Variants in CAMTA1 observed in about 807,000 individuals in gnomAD.
CAMTA1 encodes calmodulin-binding transcription activator 1.
A neutral mutation model predicts 170.9 loss-of-function variants in CAMTA1; 27 were observed. The observed-to-expected ratio is 0.16, with a 90% CI of 0.12 to 0.22. CAMTA1 has a LOEUF of 0.22. Among genes scored for constraint, CAMTA1 ranks in the 10% least tolerant of loss-of-function variants. The pLI is 1.00. For synonymous variants in CAMTA1, 833 were observed against 891.5 expected, an observed-to-expected ratio of 0.93 and a Z score of 1.17; for missense variants, 1,619 against 2,217.2, an observed-to-expected ratio of 0.73 and a Z score of 5.42.
At chr1:7,205,546 A>T (rs895002328) in intron 4 of CAMTA1, among the ~76,000 whole-genome samples, 6 of 152,112 alleles carry the variant, frequency 3.9e-5, no homozygotes, top group Admixed American at 3.3e-4. Context: ...TTTTTATGAA[A>T]TGTCCTTCTA....
Position 7,592,760 on chromosome 1 carries a change from G to A in CAMTA1, c.511-47640G>A, listed in dbSNP as rs921199944. On this transcript the variant is annotated intron_variant, in intron 6 of 22. Coordinates refer to ENST00000303635, the MANE Select transcript of CAMTA1 (RefSeq NM_015215.4). This position sits in a 1 kb window ranked among gnomAD's most constrained non-coding sequence, Gnocchi z 4.6. ...CAGCATCTCCTGCATCCTCTACCTT[G>A]GAAAATGAGGATTCTCCGAGAGCTC... 1.2e-4 allele frequency among the ~76,000 whole-genome samples: 18 copies of A among 152,122 alleles called. No homozygotes were observed. The highest frequency in any genetic ancestry group is 8.3e-4 in the South Asian group (4 of 4,826).
At chr1:7,713,072 T>C (rs190935832) in intron 11 of CAMTA1, among the ~76,000 whole-genome samples, 4 of 151,980 alleles carry the variant, frequency 2.6e-5, no homozygotes, top group Admixed American at 6.6e-5. Flanking sequence ...TCAGGAGAGG[T>C]TGGATTAAAG....
In CAMTA1 at chr1:7,719,715, A is replaced by G. The variant is rs543958300; in HGVS notation, c.2915-12733A>G. On this transcript the variant is annotated intron_variant, in intron 11 of 22. Coordinates refer to ENST00000303635, the MANE Select transcript of CAMTA1 (RefSeq NM_015215.4). Reference sequence around the variant, plus strand: ...GGACATCTTAAACGGCTTGCCAGGGAGGAGCAGCTTAATATACTCTCGTGG... The same window carrying G: ...GGACATCTTAAACGGCTTGCCAGGGGGGAGCAGCTTAATATACTCTCGTGG... Among the ~76,000 whole-genome samples, 4 of 152,284 alleles carry G rather than the reference A, an allele frequency of 2.6e-5. 1 individual carries two copies. The South Asian group carries it at 8.3e-4, about 32-fold the overall frequency.
chr1:7,589,655 G>A (rs7519687), intron 6 of CAMTA1, among the ~76,000 whole-genome samples: 31,286 of 152,120 alleles, frequency 0.21, 4,504 homozygotes, highest in African/African-American at 0.41. Context: ...TTTGCTCCAC[G>A]TTCTAGGAAA....
intron 11 of CAMTA1, among the ~76,000 whole-genome samples, chr1:7,683,185 A>G (rs1252890705): frequency 6.6e-6 from 1 of 150,982 alleles, no homozygotes; most frequent in Non-Finnish European, 1.5e-5. Flanking sequence ...CTGTCTCAAA[A>G]AAAAAAAAAA....
At chr1:7,502,267 A>C (rs1448436578) in intron 6 of CAMTA1, among the ~76,000 whole-genome samples, 1 of 152,230 alleles carries the variant, frequency 6.6e-6, no homozygotes, top group African/African-American at 2.4e-5. Context: ...CCCAGTCTTC[A>C]TGCAGAGAAG....
intron 3 of CAMTA1, among the ~76,000 whole-genome samples, chr1:6,976,220 A>G (rs760157424): frequency 6.6e-6 from 1 of 152,194 alleles, no homozygotes; most frequent in Non-Finnish European, 1.5e-5. Flanking sequence ...GAAGGCCACA[A>G]AGGTCAGGAC....
intron 5 of CAMTA1, among the ~76,000 whole-genome samples, chr1:7,323,593 G>A (rs1007355363): frequency 4.4e-5 from 6 of 136,870 alleles, no homozygotes; most frequent in Admixed American, 8.4e-5. Context: ...CACGATCTCC[G>A]CTCACTGCAG....
At chr1:7,548,438 G>A (rs955896211) in intron 6 of CAMTA1, among the ~76,000 whole-genome samples, 1 of 149,402 alleles carries the variant, frequency 6.7e-6, no homozygotes, top group Admixed American at 6.7e-5. Flanking sequence ...CCTTAGGAGT[G>A]GAGGTGCTGG....
intron 3 of CAMTA1, among the ~76,000 whole-genome samples, chr1:6,854,311 C>G (rs188858546): frequency 6.6e-6 from 1 of 152,278 alleles, no homozygotes; most frequent in Non-Finnish European, 1.5e-5. Flanking sequence ...TACAATAATA[C>G]GCAGATTCAT....
chr1:6,812,370 G>A (rs749205123), intron 1 of CAMTA1, among the ~76,000 whole-genome samples: 3 of 152,068 alleles, frequency 2.0e-5, no homozygotes, highest in African/African-American at 7.2e-5. Context: ...TTTTAGGATC[G>A]AAATAAGATT....
intron 10 of CAMTA1, among the ~76,000 whole-genome samples, chr1:7,676,586 C>A (rs544985161): frequency 6.6e-6 from 1 of 152,336 alleles, no homozygotes; most frequent in South Asian, 2.1e-4. Flanking sequence ...CTTCTGAAAA[C>A]CAAGGGCCCA....
At chr1:7,177,528 C>T (rs1319832141) in intron 4 of CAMTA1, among the ~76,000 whole-genome samples, 1 of 137,908 alleles carries the variant, frequency 7.3e-6, no homozygotes, top group Non-Finnish European at 1.6e-5. Flanking sequence ...ACACACAAGT[C>T]CCTCCCATAT....
chr1:7,285,021 C>T (rs1456750044), intron 5 of CAMTA1, among the ~76,000 whole-genome samples: 1 of 152,186 alleles, frequency 6.6e-6, no homozygotes, highest in East Asian at 1.9e-4. Flanking sequence ...CAAGACCCTC[C>T]CACAGGGTGC....
chr1:6,978,623 G>T (rs1391441800), intron 3 of CAMTA1, among the ~76,000 whole-genome samples: 4 of 151,340 alleles, frequency 2.6e-5, no homozygotes, highest in Admixed American at 6.6e-5. Context: ...AACAGAGCGA[G>T]ACTCCATCTA....
chr1:6,850,980 C>A (rs1353810434), intron 3 of CAMTA1, among the ~76,000 whole-genome samples: 1 of 152,192 alleles, frequency 6.6e-6, no homozygotes, highest in Non-Finnish European at 1.5e-5. Context: ...AGTATAATTT[C>A]TTTCATTAAT....
chr1:6,850,157 A>G lies in CAMTA1; in HGVS notation c.234+24947A>G, dbSNP rs1456200202. 3.9e-5 allele frequency among the ~76,000 whole-genome samples: 6 copies of G among 152,200 alleles called. No individual in the cohort carries two copies. In the South Asian group the frequency reaches 8.3e-4, roughly 21 times the overall value. ...AAATATTAGGAGAAAACGTGGGTCA[A>G]TACTTACTTTGTGTTCAAGTTAGGA... On this transcript the variant is annotated intron_variant, in intron 3 of 22. Coordinates refer to ENST00000303635, the MANE Select transcript of CAMTA1 (RefSeq NM_015215.4).
At chr1:7,516,107 C>T (rs1166777094) in intron 6 of CAMTA1, among the ~76,000 whole-genome samples, 2 of 152,240 alleles carry the variant, frequency 1.3e-5, no homozygotes, top group Non-Finnish European at 2.9e-5. Context: ...CAGCAAGCCT[C>T]CCAGCCGGCT....
rs2095981399 is a variant in CAMTA1, at chr1:7,663,860, A to T, written c.1313A>T (p.Asp438Val). The T allele has an allele frequency of 6.2e-7, 1 of 1,613,874 alleles. No homozygotes were observed. The highest frequency in any genetic ancestry group is 1.3e-5 in the African/African-American group (1 of 74,912). Residue 438 changes from aspartate (D) to valine (V), a missense_variant, in exon 9 of 23, where the codon GAT becomes GTT. Transcript: ENST00000303635. ...SQGLVLAVSS[D>V]GHKFAFPTTG... ...GGCCTCGTCCTGGCCGTGAGCTCTGATGGCCACAAGTTCGCCTTTCCCACC... is the reference window on the plus strand; with the variant it reads ...GGCCTCGTCCTGGCCGTGAGCTCTGTTGGCCACAAGTTCGCCTTTCCCACC...
Sources: allele counts gnomAD v4.1 joint callset (sites outside exome capture counted in the v4.1 genomes callset), GRCh38; gene constraint gnomAD v4.1.1; non-coding constraint Gnocchi (gnomAD v3.1); transcripts MANE v1.5; gene names NCBI Gene and HGNC (gene_info 2026-07-23, HGNC 2026-07-21).